Variants in LRCH1 observed in about 807,000 individuals in gnomAD.
LRCH1 encodes the protein leucine rich repeats and calponin homology domain containing 1, also known as leucine-rich repeat and calponin homology domain-containing protein 1.
A neutral mutation model predicts 94.9 loss-of-function variants in LRCH1; 23 were observed. That is an observed-to-expected ratio of 0.24 (90% CI 0.17 to 0.34). The LOEUF is 0.34. Ranked by LOEUF, LRCH1 falls within the 10% of genes least tolerant of loss-of-function variation. The pLI, the probability that LRCH1 is intolerant of heterozygous loss-of-function variation, is 1.00. For synonymous variants in LRCH1, 364 were observed against 354.9 expected (o/e 1.03, Z -0.29); for missense variants, 790 against 945.9 (o/e 0.84, Z 2.16).
In LRCH1 at chr13:46,692,681, GT is replaced by G. The variant is rs533094450; in HGVS notation, c.1120+43del. ...ATGTGGAGAAAGTGCTTGTTTTTCAGTTTCAAATGTTATGTTTAAAATAACC... is the reference window on the plus strand; with the variant it reads ...ATGTGGAGAAAGTGCTTGTTTTTCAGTTCAAATGTTATGTTTAAAATAACC... On this transcript the variant is annotated intron_variant, in intron 8 of 19. Transcript: ENST00000389797. 1,072 of 1,463,990 alleles carry G rather than the reference GT, an allele frequency of 7.3e-4. 7 individuals are homozygous for G. The Middle Eastern group carries it at 9.8e-3, about 13-fold the overall frequency. 90.7% of individuals were successfully genotyped at this position (1,463,990 alleles called of 1,614,324 possible).
intron 1 of LRCH1, among the ~76,000 whole-genome samples, chr13:46,554,181 G>T (rs2050037159): frequency 6.6e-6 from 1 of 152,262 alleles, no homozygotes; most frequent in Non-Finnish European, 1.5e-5. Flanking sequence ...CCATCCTGGT[G>T]GGGAAACCCA....
intron 9 of LRCH1, among the ~76,000 whole-genome samples, chr13:46,698,777 T>G: frequency 6.6e-6 from 1 of 152,350 alleles, no homozygotes; most frequent in Admixed American, 6.5e-5. Context: ...GGCCACATTT[T>G]TTTAAATTTA....
At chr13:46,681,397 C>G (rs2051748133) in intron 3 of LRCH1, among the ~76,000 whole-genome samples, 1 of 152,158 alleles carries the variant, frequency 6.6e-6, no homozygotes, top group African/African-American at 2.4e-5. Context: ...CTGAGCCCCA[C>G]TTTTTGATTT....
intron 1 of LRCH1, among the ~76,000 whole-genome samples, chr13:46,627,956 A>G (rs1258906922): frequency 1.3e-5 from 2 of 152,200 alleles, no homozygotes; most frequent in African/African-American, 4.8e-5. Flanking sequence ...ACAAAATCAT[A>G]CATTCAGAAT....
At chr13:46,691,910 G>C (rs754868407) in intron 7 of LRCH1, among the ~76,000 whole-genome samples, 4 of 151,842 alleles carry the variant, frequency 2.6e-5, no homozygotes, top group Admixed American at 1.3e-4. Flanking sequence ...GGATGGTCTC[G>C]ATCTCTTGAT....
intron 3 of LRCH1, among the ~76,000 whole-genome samples, chr13:46,677,144 T>A (rs1202738670): frequency 6.6e-6 from 1 of 151,328 alleles, no homozygotes; most frequent in Non-Finnish European, 1.5e-5. Context: ...GCACGGTGGC[T>A]CACGCCTGTA....
At position 46,692,487 on chromosome 13, in the gene LRCH1, A is replaced by G. The variant is rs758611903; in HGVS notation, c.1015-49A>G. 10 of 1,268,628 alleles carry G rather than the reference A, an allele frequency of 7.9e-6. No individual in the cohort carries two copies. In the Admixed American group the frequency reaches 1.7e-4, roughly 22 times the overall value. 78.6% of individuals were successfully genotyped at this position (1,268,628 alleles called of 1,614,324 possible). A position where few individuals can be genotyped will look rare whatever the true frequency, so the allele number is the denominator to read the frequency against. ...TTATTACATAGCATTCTCCTTATCT[A>G]CATTGATAACACTTCTCTTGAGTTA... On this transcript the variant is annotated intron_variant, in intron 7 of 19. Transcript: ENST00000389797.
chr13:46,633,276 A>G (rs2051040823), intron 1 of LRCH1, among the ~76,000 whole-genome samples: 1 of 152,264 alleles, frequency 6.6e-6, no homozygotes, highest in Admixed American at 6.5e-5. Context: ...TTAGCCTACA[A>G]TATTTTTGTT....
chr13:46,697,931 A>G (rs1183407687), intron 9 of LRCH1, among the ~76,000 whole-genome samples: 1 of 152,258 alleles, frequency 6.6e-6, no homozygotes. Context: ...ACAAAAAAAT[A>G]AAAAGAAATA....
intron 1 of LRCH1, among the ~76,000 whole-genome samples, chr13:46,613,707 G>A (rs755505239): frequency 2.6e-5 from 4 of 152,306 alleles, no homozygotes; most frequent in African/African-American, 9.6e-5. Flanking sequence ...GAGCCATTTC[G>A]AAATGGGTCA....
chr13:46,574,054 C>G, intron 1 of LRCH1, among the ~76,000 whole-genome samples: 1 of 151,086 alleles, frequency 6.6e-6, no homozygotes. Context: ...CCATGTTGGC[C>G]AGGCTGGTCT....
At chr13:46,582,648 C>CTTTTTT (rs551678501) in intron 1 of LRCH1, among the ~76,000 whole-genome samples, 269 of 23,306 alleles carry the variant, frequency 0.012, 2 homozygotes, top group African/African-American at 0.016. Context: ...CCATGCCCAG[C>CTTTTTT]TTTTTTTTTT....
Position 46,687,420 on chromosome 13 carries a change from G to A in LRCH1, c.823-432G>A, listed in dbSNP as rs192608155. ...TGCTTAACCATGTAAATATTTTGAA[G>A]TTTATTTTCTTTTTAAATAATTTAA... On this transcript the variant is annotated intron_variant, in intron 5 of 19. Coordinates refer to ENST00000389797, the MANE Select transcript of LRCH1 (RefSeq NM_001164211.2). Among the ~76,000 whole-genome samples the A allele has an allele frequency of 1.2e-3, 188 of 152,284 alleles. 5 individuals carry two copies. Among genetic ancestry groups the A allele is most frequent in the Admixed American group, 9.9e-3 (152 of 15,296 alleles).
chr13:46,741,862 A>C lies in LRCH1; in HGVS notation c.*14A>C. ...CTGTCCGCATAATGTCTGCACGTGC[A>C]TCCAAACGCTGTGCTCTGTCGCCCT... is the stretch of plus-strand genomic sequence containing the variant. On this transcript the variant is annotated 3_prime_UTR_variant, in exon 20 of 20. Transcript: ENST00000389797. The C allele has an allele frequency of 1.2e-6, 2 of 1,613,422 alleles. No individual in the cohort carries two copies. The highest frequency in any genetic ancestry group is 1.7e-6 in the Non-Finnish European group (2 of 1,180,008).
At chr13:46,590,330 A>G (rs1324298330) in intron 1 of LRCH1, among the ~76,000 whole-genome samples, 1 of 152,098 alleles carries the variant, frequency 6.6e-6, no homozygotes, top group Non-Finnish European at 1.5e-5. Context: ...TTCCATGGCC[A>G]TGAGTATGTG....
At chr13:46,579,870 A>G (rs1472531693) in intron 1 of LRCH1, among the ~76,000 whole-genome samples, 2 of 152,212 alleles carry the variant, frequency 1.3e-5, no homozygotes, top group Non-Finnish European at 2.9e-5. Context: ...TTAAAATGTC[A>G]AAGCAAGAGT....
intron 2 of LRCH1, among the ~76,000 whole-genome samples, chr13:46,664,687 C>A (rs769529648): frequency 1.3e-5 from 2 of 152,214 alleles, no homozygotes; most frequent in Non-Finnish European, 2.9e-5. Flanking sequence ...TCTCTATGGT[C>A]ACCTCCTCGC....
intron 1 of LRCH1, among the ~76,000 whole-genome samples, chr13:46,576,407 A>C (rs528379151): frequency 6.6e-6 from 1 of 152,306 alleles, no homozygotes; most frequent in South Asian, 2.1e-4. Context: ...GATAACTGGG[A>C]GTCCTGAGTG....
At chr13:46,711,111 C>G (rs9590982) in intron 13 of LRCH1, among the ~76,000 whole-genome samples, 3,055 of 152,206 alleles carry the variant, frequency 0.02, 83 homozygotes, top group East Asian at 0.085. Context: ...CCACAAATTT[C>G]TCTTTCTCTA....
Sources: allele counts gnomAD v4.1 joint callset (sites outside exome capture counted in the v4.1 genomes callset), GRCh38; gene constraint gnomAD v4.1.1; transcripts MANE v1.5; gene names NCBI Gene and HGNC (gene_info 2026-07-23, HGNC 2026-07-21).